Variants in FBRSL1 observed in about 807,000 individuals in gnomAD.
The protein encoded by FBRSL1 is fibrosin-1-like protein.
A neutral mutation model predicts 89.6 loss-of-function variants in FBRSL1; 51 were observed. The ratio of observed to expected loss-of-function variants is 0.57; its 90% CI spans 0.45 to 0.72. The LOEUF is 0.72. FBRSL1 is among the 30% of genes least tolerant of loss of function. The probability of loss-of-function intolerance (pLI) is 0.00; values close to 1 mark genes in which losing one functional copy is unlikely to be tolerated. For synonymous variants in FBRSL1, 779 were observed against 681.1 expected (o/e 1.14, Z -2.24); for missense variants, 1,618 against 1,451.8 (o/e 1.11, Z -1.86).
At position 132,546,293 on chromosome 12, in the gene FBRSL1, C is replaced by T. The variant is rs1252343531; in HGVS notation, c.616-1710C>T. Among the ~76,000 whole-genome samples, 1 of 152,282 alleles carries T rather than the reference C, an allele frequency of 6.6e-6. No individual in the cohort carries two copies. The highest frequency in any genetic ancestry group is 3.2e-3 in the Middle Eastern group (1 of 316). Reference sequence around the variant, plus strand: ...CAGGGCCACCAGCAAAGCTGGTCTGCATGTCGGGGTCCTGTGGCCCAGCCC... The same window carrying T: ...CAGGGCCACCAGCAAAGCTGGTCTGTATGTCGGGGTCCTGTGGCCCAGCCC... On this transcript the variant is annotated intron_variant, in intron 4 of 18. Coordinates refer to ENST00000680143, the MANE Select transcript of FBRSL1 (RefSeq NM_001367871.1). This position sits in a 1 kb window ranked among gnomAD's most constrained non-coding sequence, Gnocchi z 4.0.
chr12:132,551,538 TC>T (rs1283267009), intron 5 of FBRSL1: 1 of 456,258 alleles, frequency 2.2e-6, no homozygotes, highest in African/African-American at 2.0e-5. Flanking sequence ...TCACATCTCA[TC>T]CCACACCTGC....
chr12:132,568,213 C>T (rs1052705419), intron 6 of FBRSL1, among the ~76,000 whole-genome samples: 3 of 152,234 alleles, frequency 2.0e-5, no homozygotes, highest in Admixed American at 6.5e-5. Context: ...GCAGCATCTC[C>T]GGCAGGGCCA....
rs772542548 is a variant in FBRSL1 at position 132,490,878 on chromosome 12, G to A, written c.291+17G>A. On this transcript the variant is annotated intron_variant, in intron 1 of 18. Transcript: ENST00000680143. ...GCCCTGGAGGTAGGTGGACGGGTGCGGCTTCGCAGGCGTTGAGGCGAGAAC... is the reference window on the plus strand; with the variant it reads ...GCCCTGGAGGTAGGTGGACGGGTGCAGCTTCGCAGGCGTTGAGGCGAGAAC... 3 of 1,235,032 alleles carry A rather than the reference G, an allele frequency of 2.4e-6. No homozygotes were observed. Among genetic ancestry groups the A allele is most frequent in the East Asian group, 3.2e-5 (1 of 31,302 alleles). 76.5% of individuals were successfully genotyped at this position (1,235,032 alleles called of 1,614,324 possible). A position where few individuals can be genotyped will look rare whatever the true frequency, so the allele number is the denominator to read the frequency against.
rs988055084 is a variant in FBRSL1, at chr12:132,533,085, C to G, written c.615+5097C>G. Among the ~76,000 whole-genome samples the G allele has an allele frequency of 7.9e-5, 12 of 152,250 alleles. 2 individuals carry two copies. Among genetic ancestry groups the G allele is most frequent in the African/African-American group, 2.9e-4 (12 of 41,552 alleles). ...CCCTGGAGTCAGAGAGCCACGGTCT[C>G]CTCCCAACCCAGCCTCTCCCTGGAG... On this transcript the variant is annotated intron_variant, in intron 4 of 18. Transcript: ENST00000680143.
chr12:132,581,142 C>G, intron 15 of FBRSL1: 1 of 985,456 alleles, frequency 1.0e-6, no homozygotes, highest in Non-Finnish European at 1.2e-6. Context: ...GACTTTGTCT[C>G]TGCCCAAGTT....
At chr12:132,531,055 A>G (rs1296775454) in intron 4 of FBRSL1, among the ~76,000 whole-genome samples, 2 of 150,356 alleles carry the variant, frequency 1.3e-5, no homozygotes, top group East Asian at 3.9e-4. Flanking sequence ...CCAGGCAGAG[A>G]GCAGGGAGGT....
chr12:132,560,980 G>A (rs1450890999), intron 5 of FBRSL1, among the ~76,000 whole-genome samples: 1 of 152,210 alleles, frequency 6.6e-6, no homozygotes, highest in Admixed American at 6.5e-5. Flanking sequence ...AGAGCTGAGG[G>A]ACCGCGTGGA....
At chr12:132,517,076 G>A (rs1297823292) in intron 2 of FBRSL1, among the ~76,000 whole-genome samples, 1 of 152,212 alleles carries the variant, frequency 6.6e-6, no homozygotes, top group African/African-American at 2.4e-5. Context: ...TGTCCCGGTT[G>A]CCAGGCAAGG....
chr12:132,564,042 G>A (rs562296295), intron 5 of FBRSL1, among the ~76,000 whole-genome samples: 1 of 151,828 alleles, frequency 6.6e-6, no homozygotes. Flanking sequence ...ACGGTCACAC[G>A]GCTGCGTGCT....
intron 5 of FBRSL1, among the ~76,000 whole-genome samples, chr12:132,559,596 C>T (rs1024830386): frequency 4.6e-5 from 7 of 152,116 alleles, no homozygotes; most frequent in Admixed American, 2.0e-4. Flanking sequence ...GGTGGGGGGT[C>T]TTCCTATGTT....
intron 1 of FBRSL1, among the ~76,000 whole-genome samples, chr12:132,495,266 T>C (rs1278926845): frequency 6.6e-6 from 1 of 152,172 alleles, no homozygotes; most frequent in Non-Finnish European, 1.5e-5. Flanking sequence ...AGCCCAGGCA[T>C]AGGATCTGGG....
chr12:132,492,393 T>G (rs1335796988), intron 1 of FBRSL1, among the ~76,000 whole-genome samples: 1 of 152,240 alleles, frequency 6.6e-6, no homozygotes, highest in African/African-American at 2.4e-5. Flanking sequence ...AAAGCTGTTT[T>G]AGAATGTCTT....
At chr12:132,515,735 C>T (rs981564994) in intron 2 of FBRSL1, among the ~76,000 whole-genome samples, 11 of 151,652 alleles carry the variant, frequency 7.3e-5, no homozygotes, top group Admixed American at 5.9e-4. Flanking sequence ...CCCGTCTCTA[C>T]TAAAAATACA....
At chr12:132,558,913 G>A (rs950573488) in intron 5 of FBRSL1, among the ~76,000 whole-genome samples, 1 of 152,248 alleles carries the variant, frequency 6.6e-6, no homozygotes, top group Non-Finnish European at 1.5e-5. Flanking sequence ...GCAGCAGCTT[G>A]GAGAGGACCC....
intron 13 of FBRSL1, 48 bp downstream of exon 13, chr12:132,574,396 C>T (rs1370321268): frequency 1.3e-6 from 2 of 1,549,022 alleles, no homozygotes; most frequent in Non-Finnish European, 8.7e-7. Context: ...CTCTGGTGCC[C>T]CCGGGGCGGC....
In FBRSL1 at chr12:132,499,423, A is replaced by G. The variant is rs942316733; in HGVS notation, c.291+8562A>G. Among the ~76,000 whole-genome samples, 1 of 152,196 alleles carries G rather than the reference A, an allele frequency of 6.6e-6. No homozygotes were observed. Among genetic ancestry groups the G allele is most frequent in the Non-Finnish European group, 1.5e-5 (1 of 68,028 alleles). On this transcript the variant is annotated intron_variant, in intron 1 of 18. Coordinates refer to ENST00000680143, the MANE Select transcript of FBRSL1 (RefSeq NM_001367871.1). The surrounding 1 kb of genome is among the most constrained non-coding windows in gnomAD (Gnocchi z 4.3). The stretch of plus-strand genomic sequence containing the variant: ...GCTTTCCCTGACAGACTTTATAAGC[A>G]TTTATTGAGCACCGGCTGTGTGCCA...
chr12:132,583,891 C>T lies in FBRSL1; in HGVS notation c.*113C>T. 1 of 498,080 alleles carries T rather than the reference C, an allele frequency of 2.0e-6. No homozygotes were observed. The highest frequency in any genetic ancestry group is 2.8e-6 in the Non-Finnish European group (1 of 352,354). The allele number at this position is 498,080 out of a possible 1,614,324, so 30.9% of individuals were successfully genotyped here. A position where few individuals can be genotyped will look rare whatever the true frequency, so the allele number is the denominator to read the frequency against. ...ATCCTGGGGCGGCGCCGCCTCTCCA[C>T]CCGCAGCCTGCGGAGGCGGGGACTT... is the stretch of plus-strand genomic sequence containing the variant. On this transcript the variant is annotated 3_prime_UTR_variant, in exon 19 of 19. Coordinates refer to ENST00000680143, the MANE Select transcript of FBRSL1 (RefSeq NM_001367871.1).
intron 5 of FBRSL1, among the ~76,000 whole-genome samples, chr12:132,566,911 C>G (rs1195603599): frequency 6.6e-6 from 1 of 152,256 alleles, no homozygotes; most frequent in Non-Finnish European, 1.5e-5. Flanking sequence ...GCGCTGGGCA[C>G]CAGGCCTGGA....
At chr12:132,567,742 C>T (rs1462269596) in intron 6 of FBRSL1, among the ~76,000 whole-genome samples, 2 of 152,106 alleles carry the variant, frequency 1.3e-5, no homozygotes, top group Non-Finnish European at 2.9e-5. Context: ...GGCCTGGGCT[C>T]CGCTCGTAGC....
Sources: allele counts gnomAD v4.1 joint callset (sites outside exome capture counted in the v4.1 genomes callset), GRCh38; gene constraint gnomAD v4.1.1; non-coding constraint Gnocchi (gnomAD v3.1); transcripts MANE v1.5; gene names NCBI Gene and HGNC (gene_info 2026-07-23, HGNC 2026-07-21).